INVS: variants seen among roughly 807,000 people sequenced by gnomAD.
INVS encodes inversin.
INVS carries 86 observed loss-of-function variants against 108.8 expected under a neutral mutation model. That is an observed-to-expected ratio of 0.79 (90% CI 0.66 to 0.95). The LOEUF (loss-of-function observed/expected upper bound fraction) is 0.95, where lower values mean the gene tolerates loss of function less well. Ranked by LOEUF, INVS falls within the 40% of genes least tolerant of loss-of-function variation. The pLI is 0.00. For synonymous variants in INVS, 455 were observed against 473.5 expected, an observed-to-expected ratio of 0.96 and a Z score of 0.51; for missense variants, 1,169 against 1,297.4, an observed-to-expected ratio of 0.90 and a Z score of 1.52.
intron 3 of INVS, chr9:100,175,239 A>T (rs1468275305): frequency 6.6e-6 from 4 of 609,276 alleles, no homozygotes; most frequent in Admixed American, 2.3e-5. Flanking sequence ...AACTGTAAAG[A>T]CTCTTTGCCA....
intron 1 of INVS, among the ~76,000 whole-genome samples, chr9:100,100,965 AAT>A (rs1826948322): frequency 7.0e-5 from 1 of 14,382 alleles, no homozygotes; most frequent in Admixed American, 1.7e-3. Flanking sequence ...TTATATATAT[AAT>A]ATATATTATA....
At position 100,149,781 on chromosome 9, in the gene INVS, T is replaced by A. The variant is rs370768153; in HGVS notation, c.273+23232T>A. 1.3e-4 allele frequency among the ~76,000 whole-genome samples: 20 copies of A among 152,324 alleles called. No homozygotes were observed. In the East Asian group the frequency reaches 3.9e-3, roughly 29 times the overall value. On this transcript the variant is annotated intron_variant, in intron 3 of 16. Transcript: ENST00000262457. ...ATCGCCACTTTGAATTTTTCTATCATGTTTCTAGTATGAAAAAAAACTTCA... is the reference window on the plus strand; with the variant it reads ...ATCGCCACTTTGAATTTTTCTATCAAGTTTCTAGTATGAAAAAAAACTTCA...
At chr9:100,159,123 C>G (rs1031398340) in intron 3 of INVS, among the ~76,000 whole-genome samples, 1 of 152,086 alleles carries the variant, frequency 6.6e-6, no homozygotes, top group African/African-American at 2.4e-5. Flanking sequence ...TCCGGTATTC[C>G]TTTATAAAAA....
At chr9:100,103,973 G>A (rs1827092879) in intron 1 of INVS, among the ~76,000 whole-genome samples, 1 of 152,006 alleles carries the variant, frequency 6.6e-6, no homozygotes, top group Non-Finnish European at 1.5e-5. Context: ...CAATTCTAAT[G>A]TTTAATATTA....
At chr9:100,264,774 C>T (rs199756317) in intron 10 of INVS, 48 bp from the exon 11 acceptor site, 1 of 1,256,210 alleles carries the variant, frequency 8.0e-7, no homozygotes, top group African/African-American at 1.5e-5. Flanking sequence ...AACCACATAT[C>T]CAAAAATACT....
chr9:100,124,872 C>T (rs886827087), intron 2 of INVS, among the ~76,000 whole-genome samples: 3 of 152,174 alleles, frequency 2.0e-5, no homozygotes, highest in Admixed American at 1.3e-4. Context: ...AAATATCTTA[C>T]TTTAGTAAAC....
Position 100,277,378 on chromosome 9 carries a change from T to C in INVS, c.1784+4302T>C, listed in dbSNP as rs562677223. 7.9e-5 allele frequency among the ~76,000 whole-genome samples: 12 copies of C among 152,384 alleles called. No homozygotes were observed. In the South Asian group the frequency reaches 2.5e-3, roughly 32 times the overall value. On this transcript the variant is annotated intron_variant, in intron 12 of 16. Transcript: ENST00000262457. ...GGTTGGCCCATGTGTCTGACTCATCTGCTCACAAAGTCATCTGGCCCATGG... is the reference window on the plus strand; with the variant it reads ...GGTTGGCCCATGTGTCTGACTCATCCGCTCACAAAGTCATCTGGCCCATGG...
At chr9:100,288,729 C>T (rs1157105784) in intron 13 of INVS, among the ~76,000 whole-genome samples, 1 of 151,948 alleles carries the variant, frequency 6.6e-6, no homozygotes. Flanking sequence ...CAAGTGATCC[C>T]CCCATCTCAG....
chr9:100,147,755 T>C (rs1266272231), intron 3 of INVS, among the ~76,000 whole-genome samples: 1 of 152,088 alleles, frequency 6.6e-6, no homozygotes, highest in Non-Finnish European at 1.5e-5. Flanking sequence ...AATGGAAAAC[T>C]AGGGAACTGT....
At chr9:100,174,496 A>G (rs539176171) in intron 3 of INVS, among the ~76,000 whole-genome samples, 2 of 152,302 alleles carry the variant, frequency 1.3e-5, no homozygotes, top group Admixed American at 6.5e-5. Context: ...AATTACAAAG[A>G]TAGGAGAGAG....
chr9:100,120,519 C>G (rs1305713890), intron 2 of INVS: 1 of 165,662 alleles, frequency 6.0e-6, no homozygotes, highest in Non-Finnish European at 1.4e-5. Flanking sequence ...TGGTTCAATT[C>G]TTGATTCATT....
chr9:100,178,511 G>T (rs1829784409), intron 3 of INVS, among the ~76,000 whole-genome samples: 1 of 152,114 alleles, frequency 6.6e-6, no homozygotes, highest in Non-Finnish European at 1.5e-5. Flanking sequence ...ATCAATAGCT[G>T]AATCAATCAA....
At chr9:100,278,223 C>G (rs1447290400) in intron 12 of INVS, among the ~76,000 whole-genome samples, 1 of 128,004 alleles carries the variant, frequency 7.8e-6, no homozygotes, top group Non-Finnish European at 1.6e-5. Flanking sequence ...GAGAGAGAGA[C>G]CCTGTCTCAA....
At chr9:100,198,401 G>A (rs1047217627) in intron 3 of INVS, among the ~76,000 whole-genome samples, 1 of 145,748 alleles carries the variant, frequency 6.9e-6, no homozygotes, top group Non-Finnish European at 1.5e-5. Context: ...GAGTTCAAGC[G>A]ATTCTCCTGC....
At chr9:100,296,650 G>A (rs1050431578) in intron 14 of INVS, among the ~76,000 whole-genome samples, 8 of 152,138 alleles carry the variant, frequency 5.3e-5, no homozygotes, top group South Asian at 2.1e-4. Context: ...CATGCCACAC[G>A]TACCTCTTTA....
chr9:100,284,641 G>T (rs921282686), intron 13 of INVS, 38 bp downstream of exon 13: 2 of 1,601,102 alleles, frequency 1.2e-6, no homozygotes, highest in Admixed American at 3.4e-5. Flanking sequence ...GCCGGCCCAT[G>T]GACTGTGGGC....
At chr9:100,165,406 C>T (rs1226471951) in intron 3 of INVS, among the ~76,000 whole-genome samples, 2 of 152,080 alleles carry the variant, frequency 1.3e-5, no homozygotes, top group African/African-American at 2.4e-5. Context: ...AATGCTGATA[C>T]TTTAATTCTA....
chr9:100,126,287 T>C, intron 2 of INVS, 96 bp from the exon 3 acceptor site: 2 of 968,448 alleles, frequency 2.1e-6, no homozygotes, highest in Admixed American at 4.0e-5. Flanking sequence ...ACTTAAGCAT[T>C]TAGCACAATG....
chr9:100,117,002 T>C lies in INVS; in HGVS notation c.107-9381T>C. 2.0e-6 allele frequency: 3 copies of C among 1,535,280 alleles called. No individual in the cohort carries two copies. The South Asian group carries it at 3.4e-5, about 17-fold the overall frequency. On this transcript the variant is annotated intron_variant, in intron 2 of 16. Coordinates refer to ENST00000262457, the MANE Select transcript of INVS (RefSeq NM_014425.5). Reference sequence around the variant, plus strand: ...GATACCAGCCATCATGAGCAGCTTCTTGGGCACAGGCGCCGAGACAATGCC... The same window carrying C: ...GATACCAGCCATCATGAGCAGCTTCCTGGGCACAGGCGCCGAGACAATGCC...
Sources: allele counts gnomAD v4.1 joint callset (sites outside exome capture counted in the v4.1 genomes callset), GRCh38; gene constraint gnomAD v4.1.1; transcripts MANE v1.5; gene names NCBI Gene and HGNC (gene_info 2026-07-23, HGNC 2026-07-21).